CPAMD8: variants seen among roughly 807,000 people sequenced by gnomAD.
CPAMD8 encodes C3 and PZP-like alpha-2-macroglobulin domain-containing protein 8.
In CPAMD8, 146 loss-of-function variants were observed where a neutral mutation model predicts 224.7. The observed-to-expected ratio is 0.65, with a 90% CI of 0.57 to 0.75. The LOEUF is 0.75. Ranked by LOEUF, CPAMD8 falls within the 30% of genes least tolerant of loss-of-function variation. CPAMD8 has a pLI of 0.00. For synonymous variants in CPAMD8, 966 were observed against 1,044.6 expected, an observed-to-expected ratio of 0.92 and a Z score of 1.45; for missense variants, 2,301 against 2,537.5, an observed-to-expected ratio of 0.91 and a Z score of 2.00.
Position 16,914,706 on chromosome 19 carries a change from G to GC in CPAMD8, c.3736dup (p.Ala1246GlyfsTer49), listed in dbSNP as rs768927002. The GC allele has an allele frequency of 1.3e-4, 206 of 1,614,104 alleles. No homozygotes were observed. The highest frequency in any genetic ancestry group is 1.7e-4 in the Non-Finnish European group (199 of 1,179,976). On this transcript the variant is annotated frameshift_variant, in exon 28 of 42. Coordinates refer to ENST00000443236, the MANE Select transcript of CPAMD8 (RefSeq NM_015692.5). LOFTEE classifies it high-confidence loss of function. ...GCCCACGGCCAGGAAGGAGCCATCG[G>GC]CCTGCTGCTGCTGGATGATCCAGCT...
intron 27 of CPAMD8, among the ~76,000 whole-genome samples, chr19:16,920,620 C>T (rs528858995): frequency 1.1e-3 from 169 of 152,246 alleles, no homozygotes; most frequent in African/African-American, 3.7e-3. Context: ...CTTTAGGAGG[C>T]CAAGGCAGGC....
At chr19:16,941,471 G>A (rs1006308543) in intron 22 of CPAMD8, among the ~76,000 whole-genome samples, 1 of 152,146 alleles carries the variant, frequency 6.6e-6, no homozygotes, top group African/African-American at 2.4e-5. Context: ...AAAATGTCCC[G>A]TGGGCAAATC....
chr19:16,987,192 ATATATATATATATATATG>A (rs1256105300), intron 13 of CPAMD8, among the ~76,000 whole-genome samples: 6 of 124,288 alleles, frequency 4.8e-5, no homozygotes, highest in African/African-American at 1.9e-4. Context: ...ATATATATAT[ATATATATATATATATATG>A]TATATGTGGG....
Position 16,979,646 on chromosome 19 carries a change from C to G in CPAMD8, c.1585+851G>C, listed in dbSNP as rs1005455161. 2.6e-5 allele frequency among the ~76,000 whole-genome samples: 4 copies of G among 152,216 alleles called. No homozygotes were observed. In the East Asian group the frequency reaches 5.8e-4, roughly 22 times the overall value. ...TCCATTCATCCATCTTTCTATCTGTCCATCCATCCATTGATCCATCCCTCT... is the reference window on the plus strand; with the variant it reads ...TCCATTCATCCATCTTTCTATCTGTGCATCCATCCATTGATCCATCCCTCT... On this transcript the variant is annotated intron_variant, in intron 14 of 41. Transcript: ENST00000443236.
chr19:16,960,004 A>T (rs1373957660), intron 18 of CPAMD8, among the ~76,000 whole-genome samples: 5 of 152,128 alleles, frequency 3.3e-5, no homozygotes, highest in East Asian at 1.9e-4. Context: ...TGCAGAAGGG[A>T]TAAAGGCCTG....
chr19:16,922,055 C>T, intron 26 of CPAMD8, 69 bp from the exon 27 acceptor site: 3 of 1,058,556 alleles, frequency 2.8e-6, no homozygotes, highest in Admixed American at 4.4e-5. Flanking sequence ...CAGGGACCTA[C>T]ACCACTCTGC....
At chr19:16,988,425 A>T (rs989275143) in intron 13 of CPAMD8, among the ~76,000 whole-genome samples, 1 of 152,170 alleles carries the variant, frequency 6.6e-6, no homozygotes, top group Non-Finnish European at 1.5e-5. Context: ...AGCCTGGCCA[A>T]CATGGTGAAA....
At chr19:16,990,587 A>G (rs1022526112) in intron 12 of CPAMD8, among the ~76,000 whole-genome samples, 43 of 152,054 alleles carry the variant, frequency 2.8e-4, no homozygotes, top group African/African-American at 9.4e-4. Context: ...AAGTTGGGCC[A>G]GGCGCGATGG....
intron 23 of CPAMD8, among the ~76,000 whole-genome samples, chr19:16,937,468 G>T (rs2053732765): frequency 6.6e-6 from 1 of 151,624 alleles, no homozygotes; most frequent in African/African-American, 2.4e-5. Flanking sequence ...TTTAGGTCCA[G>T]CCTCATGTGT....
chr19:16,984,388 A>T (rs2055639204), intron 13 of CPAMD8, among the ~76,000 whole-genome samples: 1 of 150,780 alleles, frequency 6.6e-6, no homozygotes, highest in South Asian at 2.1e-4. Context: ...CCATATAAAA[A>T]AATTAACTCA....
At chr19:17,013,884 A>ATTCC (rs149222555) in intron 3 of CPAMD8, among the ~76,000 whole-genome samples, 90 of 148,314 alleles carry the variant, frequency 6.1e-4, no homozygotes, top group Middle Eastern at 7.0e-3. Flanking sequence ...ACACTACACA[A>ATTCC]TTCCTTCCTT....
chr19:16,927,140 T>C (rs2608728), intron 25 of CPAMD8, among the ~76,000 whole-genome samples: 7,870 of 152,008 alleles, frequency 0.052, 633 homozygotes, highest in African/African-American at 0.17. Context: ...ATGGATTGGC[T>C]GTGTCCCCAA....
intron 22 of CPAMD8, among the ~76,000 whole-genome samples, chr19:16,939,721 G>T (rs1371191122): frequency 6.6e-6 from 1 of 152,076 alleles, no homozygotes; most frequent in East Asian, 1.9e-4. Context: ...GAGGAAGATT[G>T]GTTCCACTCT....
At chr19:16,940,713 C>T (rs1167700514) in intron 22 of CPAMD8, among the ~76,000 whole-genome samples, 1 of 152,162 alleles carries the variant, frequency 6.6e-6, no homozygotes, top group Admixed American at 6.6e-5. Context: ...AGGACACCAT[C>T]TCAGGCTACA....
intron 10 of CPAMD8, 197 bp downstream of exon 10, chr19:17,000,217 G>T (rs964470533): frequency 4.4e-6 from 2 of 454,594 alleles, no homozygotes; most frequent in Non-Finnish European, 7.8e-6. Context: ...ACTTTTGGGG[G>T]CAAAGGCGAG....
At chr19:16,952,582 T>TG (rs1465575856) in intron 19 of CPAMD8, among the ~76,000 whole-genome samples, 3 of 152,056 alleles carry the variant, frequency 2.0e-5, no homozygotes, top group Non-Finnish European at 2.9e-5. Context: ...GAGGCTGAAG[T>TG]GGGGGATTCA....
intron 41 of CPAMD8, chr19:16,895,901 ACG>A (rs748743594): frequency 2.7e-5 from 15 of 546,536 alleles, no homozygotes; most frequent in African/African-American, 4.3e-5. Flanking sequence ...GCGCGCGCGC[ACG>A]CACACACACA....
rs1476727776 is a variant in CPAMD8 at position 16,898,218 on chromosome 19, C to T, written c.4849-224G>A. On this transcript the variant is annotated intron_variant, in intron 37 of 41. Transcript: ENST00000443236. This position sits in a 1 kb window ranked among gnomAD's most constrained non-coding sequence, Gnocchi z 4.2. ...GGAGTGCAGTGGCGTGATCTCGGCT[C>T]ACTGCAAGCTCGGCCTCCTGGGTTC... 8.3e-6 allele frequency: 4 copies of T among 483,144 alleles called. No homozygotes were observed. Among genetic ancestry groups the T allele is most frequent in the Non-Finnish European group, 1.5e-5 (4 of 275,708 alleles). The allele number at this position is 483,144 out of a possible 1,614,324, so 29.9% of individuals were successfully genotyped here. A position where few individuals can be genotyped will look rare whatever the true frequency, so the allele number is the denominator to read the frequency against.
At chr19:16,977,272 C>T (rs1424794929) in intron 15 of CPAMD8, 96 bp downstream of exon 15, 2 of 743,224 alleles carry the variant, frequency 2.7e-6, no homozygotes, top group South Asian at 1.7e-5. Flanking sequence ...TGCGACACAA[C>T]ATGAGTCTCA....
Sources: gnomAD v4.1 joint callset for allele counts (sites outside exome capture counted in the v4.1 genomes callset) on GRCh38, gnomAD v4.1.1 for gene constraint, Gnocchi (gnomAD v3.1) non-coding constraint, MANE v1.5 for transcripts, NCBI Gene and HGNC (gene_info 2026-07-23, HGNC 2026-07-21) for gene names.